The following MEIOC variants were observed in gnomAD, a reference collection of about 807,000 sequenced individuals.
MEIOC encodes the protein meiosis specific with coiled-coil domain, also known as meiosis-specific coiled-coil domain-containing protein MEIOC.
MEIOC carries 9 observed loss-of-function variants against 85.3 expected under a neutral mutation model. The ratio of observed to expected loss-of-function variants is 0.11; its 90% confidence interval spans 0.06 to 0.18. MEIOC has a LOEUF of 0.18. Ranked by LOEUF, MEIOC falls within the 10% of genes least tolerant of loss-of-function variation. MEIOC has a pLI of 1.00. For missense variants in MEIOC, 898 were observed against 1,129.4 expected, an observed-to-expected ratio of 0.80 and a Z score of 2.94; for synonymous variants, 365 against 393.7, an observed-to-expected ratio of 0.93 and a Z score of 0.86.
chr17:44,666,780 A>G lies in MEIOC; in HGVS notation c.869A>G (p.Tyr290Cys), dbSNP rs746194595. The G allele has an allele frequency of 2.5e-6, 4 of 1,613,568 alleles. No homozygotes were observed. The highest frequency in any genetic ancestry group is 3.4e-6 in the Non-Finnish European group (4 of 1,179,810). Residue 290 changes from tyrosine to cysteine, a missense_variant, in exon 5 of 8, where the codon TAT becomes TGT. Tyr to Cys is a radical substitution (Grantham distance 194). Transcript: ENST00000409122. ...MKESGVDIYH[Y>C]GRDRICTKGL... ...GAATCAGGAGTTGATATCTACCATT[A>G]TGGAAGAGACAGAATATGTACTAAA...
chr17:44,665,278 G>A, intron 3 of MEIOC, 106 bp from the exon 4 acceptor site: 1 of 870,060 alleles, frequency 1.1e-6, no homozygotes, highest in Non-Finnish European at 1.6e-6. Flanking sequence ...TGAAATGATG[G>A]TGTAGATTCA....
intron 6 of MEIOC, among the ~76,000 whole-genome samples, chr17:44,671,998 T>C (rs1972019798): frequency 1.3e-5 from 2 of 152,206 alleles, no homozygotes; most frequent in Non-Finnish European, 2.9e-5. Flanking sequence ...AAAAATCACC[T>C]GTGCAGACTT....
chr17:44,659,526 C>T (rs1212757417), intron 2 of MEIOC, among the ~76,000 whole-genome samples: 1 of 152,198 alleles, frequency 6.6e-6, no homozygotes, highest in East Asian at 1.9e-4. Context: ...GAATCCACCA[C>T]ATTACTTTAG....
chr17:44,658,451 G>A (rs1971798462), intron 2 of MEIOC, among the ~76,000 whole-genome samples: 2 of 150,182 alleles, frequency 1.3e-5, no homozygotes, highest in East Asian at 2.1e-4. Context: ...CACCGCGCCC[G>A]GCTACAATCT....
rs181140076 is a variant in MEIOC, at chr17:44,667,740, C to G, written c.1829C>G (p.Ala610Gly). ...IENVNKHNFQ[A>G]KPQSGHYDPE... The stretch of plus-strand genomic sequence containing the variant: ...AATGTAAACAAACATAATTTTCAAG[C>G]CAAGCCCCAGAGTGGACATTATGAT... Residue 610 changes from alanine to glycine, a missense_variant, in exon 5 of 8, where the codon GCC (alanine) becomes GGC (glycine). By Grantham distance (60) the Ala-to-Gly change is moderately conservative. This residue lies in a region of MEIOC where 734 missense variants were observed against 860.1 expected (regional missense o/e 0.85). Transcript: ENST00000409122. 6.2e-6 allele frequency: 10 copies of G among 1,613,548 alleles called. No individual in the cohort carries two copies. In the African/African-American group the frequency reaches 1.3e-4, roughly 22 times the overall value.
In MEIOC at chr17:44,656,645, G is replaced by A. The variant is rs1971759683; in HGVS notation, c.32G>A (p.Arg11His). ...GTGAGACGCGGAGACACCTGCCCGC[G>A]CCCTCACCCCTCAGGCCTGAGGGAG... MEVRRGDTCPRPHPSGLREEG... is the reference protein window; with the variant it reads MEVRRGDTCPHPHPSGLREEG... The change falls in exon 1 of 8, where the codon CGC becomes CAC. Residue 11 changes from arginine (R) to histidine (H), a missense_variant. Transcript: ENST00000409122. 1.3e-6 allele frequency: 2 copies of A among 1,489,088 alleles called. No individual in the cohort carries two copies. Among genetic ancestry groups the A allele is most frequent in the Non-Finnish European group, 8.9e-7 (1 of 1,118,734 alleles). 92.2% of individuals were successfully genotyped at this position (1,489,088 alleles called of 1,614,324 possible).
chr17:44,662,549 G>GT, intron 3 of MEIOC, 78 bp downstream of exon 3: 1 of 1,000,606 alleles, frequency 1.0e-6, no homozygotes, highest in African/African-American at 1.7e-5. Flanking sequence ...TTTGCTCTCT[G>GT]TTCCCTACAT....
intron 1 of MEIOC, 69 bp from the exon 2 acceptor site, chr17:44,657,043 AGGTAGAACAGGTGTC>A (rs1378858863): frequency 2.1e-6 from 3 of 1,448,000 alleles, no homozygotes; most frequent in Non-Finnish European, 2.8e-6. Flanking sequence ...CGAACAGCCG[AGGTAGAACAGGTGTC>A]GGGCCGTTTC....
At position 44,669,401 on chromosome 17, in the gene MEIOC, A is replaced by G. The variant is rs1355608825; in HGVS notation, c.2341A>G (p.Lys781Glu). 1 of 1,572,150 alleles carries G rather than the reference A, an allele frequency of 6.4e-7. No individual in the cohort carries two copies. Among genetic ancestry groups the G allele is most frequent in the Non-Finnish European group, 8.6e-7 (1 of 1,157,528 alleles). ...TTTACAGACTGAATTAGCCCTTGCC[A>G]AGAATTATCCTGGAAAAAAAGTATC... The part of the protein sequence containing the change: ...ERKKTELALA[K>E]NYPGKKVSST... Residue 781 changes from lysine (K) to glutamate (E), a missense_variant, in exon 6 of 8, where the codon AAG becomes GAG. Lys to Glu is a moderately conservative substitution (Grantham distance 56, BLOSUM62 1). Around this residue, in one of 2 missense-constraint regions of MEIOC, gnomAD observed 164 missense variants for 269.2 expected, o/e 0.61. Coordinates refer to ENST00000409122, the MANE Select transcript of MEIOC (RefSeq NM_001145080.3).
At chr17:44,668,840 T>G (rs763351778) in intron 5 of MEIOC, among the ~76,000 whole-genome samples, 2 of 152,234 alleles carry the variant, frequency 1.3e-5, no homozygotes, top group Non-Finnish European at 2.9e-5. Flanking sequence ...TTTACCCCCT[T>G]AGTTGTTACA....
Position 44,668,246 on chromosome 17 carries a change from T to G in MEIOC, c.2322+13T>G. 6.3e-7 allele frequency: 1 copy of G among 1,579,808 alleles called. No homozygotes were observed. Among genetic ancestry groups the G allele is most frequent in the Non-Finnish European group, 8.6e-7 (1 of 1,165,648 alleles). ...AGAGAGAAAAAAGGTAACACAAAGT[T>G]AACCACTTAGGAATAACAGTATGTT... On this transcript the variant is annotated intron_variant, in intron 5 of 7. Transcript: ENST00000409122.
intron 3 of MEIOC, 28 bp from the exon 4 acceptor site, chr17:44,665,356 A>G (rs1971890390): frequency 7.1e-7 from 1 of 1,414,710 alleles, no homozygotes; most frequent in Non-Finnish European, 9.6e-7. Flanking sequence ...AATATATTGT[A>G]TTTCAGCACG....
chr17:44,671,539 C>A (rs80163510), intron 6 of MEIOC, among the ~76,000 whole-genome samples: 53 of 146,486 alleles, frequency 3.6e-4, no homozygotes, highest in African/African-American at 1.3e-3. Context: ...CAGAGTGGGA[C>A]CCTGTCTCAA....
intron 2 of MEIOC, among the ~76,000 whole-genome samples, chr17:44,658,180 A>C (rs899229835): frequency 8.4e-5 from 11 of 130,850 alleles, no homozygotes; most frequent in Non-Finnish European, 1.4e-4. Context: ...TTTGAGACGG[A>C]GTCTTGCTCT....
chr17:44,657,526 G>A (rs1000731815), intron 2 of MEIOC, among the ~76,000 whole-genome samples: 4 of 151,338 alleles, frequency 2.6e-5, no homozygotes, highest in East Asian at 2.0e-4. Context: ...GCGCCACCAC[G>A]CCCGGCTGTT....
At position 44,656,641 on chromosome 17, in the gene MEIOC, C is replaced by T; in HGVS notation, c.28C>T (p.Pro10Ser). Residue 10 changes from proline to serine, a missense_variant, in exon 1 of 8, where the codon CCG (proline) becomes TCG (serine). Around this residue, in one of 2 missense-constraint regions of MEIOC, gnomAD observed 734 missense variants for 860.1 expected, o/e 0.85. Coordinates refer to ENST00000409122, the MANE Select transcript of MEIOC (RefSeq NM_001145080.3). MEVRRGDTC[P>S]RPHPSGLREE... Reference sequence around the variant, plus strand: ...GGAGGTGAGACGCGGAGACACCTGCCCGCGCCCTCACCCCTCAGGCCTGAG... The same window carrying T: ...GGAGGTGAGACGCGGAGACACCTGCTCGCGCCCTCACCCCTCAGGCCTGAG... The T allele has an allele frequency of 6.7e-7, 1 of 1,489,600 alleles. No homozygotes were observed. Among genetic ancestry groups the T allele is most frequent in the Non-Finnish European group, 8.9e-7 (1 of 1,119,072 alleles). 92.3% of individuals were successfully genotyped at this position (1,489,600 alleles called of 1,614,324 possible). A position where few individuals can be genotyped will look rare whatever the true frequency, so the allele number is the denominator to read the frequency against.
Position 44,674,614 on chromosome 17 carries a change from G to T in MEIOC, c.*418G>T. ...GTAACCCAATTACGGCTACAGCCTA[G>T]TAACCAAGACAAGTTTTGATTGTGA... On this transcript the variant is annotated 3_prime_UTR_variant, in exon 8 of 8. Transcript: ENST00000409122. 1.0e-6 allele frequency: 1 copy of T among 990,468 alleles called. No individual in the cohort carries two copies. 61.4% of individuals were successfully genotyped at this position (990,468 alleles called of 1,614,324 possible).
intron 1 of MEIOC, 26 bp downstream of exon 1, chr17:44,656,708 C>T: frequency 6.8e-7 from 1 of 1,472,176 alleles, no homozygotes; most frequent in Admixed American, 2.5e-5. Context: ...GGGCAGGGTC[C>T]AGGGGGCGGC....
In MEIOC at chr17:44,674,355, A is replaced by G. The variant is rs969669112; in HGVS notation, c.*159A>G. Reference sequence around the variant, plus strand: ...TCTAACTTCTATTTAAAAATCTTCTATTTGAAGTGAATCCGATATAGTTTT... The same window carrying G: ...TCTAACTTCTATTTAAAAATCTTCTGTTTGAAGTGAATCCGATATAGTTTT... On this transcript the variant is annotated 3_prime_UTR_variant, in exon 8 of 8. Coordinates refer to ENST00000409122, the MANE Select transcript of MEIOC (RefSeq NM_001145080.3). 33 of 1,409,122 alleles carry G rather than the reference A, an allele frequency of 2.3e-5. No individual in the cohort carries two copies. In the Admixed American group the frequency reaches 9.1e-4, roughly 39 times the overall value. The allele number at this position is 1,409,122 out of a possible 1,614,324, so 87.3% of individuals were successfully genotyped here.
Sources: allele counts gnomAD v4.1 joint callset (sites outside exome capture counted in the v4.1 genomes callset), GRCh38; gene constraint gnomAD v4.1.1; regional missense constraint gnomAD v4.1.1; transcripts MANE v1.5; gene names NCBI Gene and HGNC (gene_info 2026-07-23, HGNC 2026-07-21).